The following KIF13B variants were observed in gnomAD, a reference collection of about 807,000 sequenced individuals.
KIF13B encodes the protein kinesin-like protein KIF13B.
A neutral mutation model predicts 222.0 loss-of-function variants in KIF13B; 127 were observed. The observed-to-expected ratio is 0.57, with a 90% CI of 0.50 to 0.66. The LOEUF is 0.66. Among genes scored for constraint, KIF13B ranks in the 30% least tolerant of loss-of-function variants. The pLI, the probability that KIF13B is intolerant of heterozygous loss-of-function variation, is 0.00. For synonymous variants in KIF13B, 976 were observed against 919.0 expected (o/e 1.06, Z -1.12); for missense variants, 2,173 against 2,379.0 (o/e 0.91, Z 1.80).
chr8:29,176,851 C>T (rs1002780880), intron 9 of KIF13B, among the ~76,000 whole-genome samples: 1 of 151,866 alleles, frequency 6.6e-6, no homozygotes, highest in African/African-American at 2.4e-5. Flanking sequence ...CTAAAATGAG[C>T]CCACATGAAG....
chr8:29,105,632 C>A (rs1487027353), intron 35 of KIF13B, among the ~76,000 whole-genome samples: 1 of 141,760 alleles, frequency 7.1e-6, no homozygotes, highest in Non-Finnish European at 1.5e-5. Context: ...AATAAGGAAA[C>A]TGGGCAGAGT....
At chr8:29,148,495 G>T in intron 16 of KIF13B, 82 bp downstream of exon 16, 1 of 1,017,794 alleles carries the variant, frequency 9.8e-7, no homozygotes, top group Non-Finnish European at 1.4e-6. Flanking sequence ...CTGCAGCCTG[G>T]AACTCCTGGG....
intron 35 of KIF13B, among the ~76,000 whole-genome samples, chr8:29,099,620 C>T (rs981175701): frequency 6.6e-6 from 1 of 152,150 alleles, no homozygotes; most frequent in Non-Finnish European, 1.5e-5. Flanking sequence ...AATCCTCCTT[C>T]CTTGGTCTCC....
At chr8:29,184,536 T>C (rs7011205) in intron 6 of KIF13B, among the ~76,000 whole-genome samples, 9,198 of 152,126 alleles carry the variant, frequency 0.06, 579 homozygotes, top group African/African-American at 0.15. Context: ...AAGAAACTTG[T>C]TCAATAGGTA....
intron 23 of KIF13B, 54 bp downstream of exon 23, chr8:29,132,254 C>CAA: frequency 5.9e-6 from 7 of 1,186,122 alleles, no homozygotes; most frequent in South Asian, 5.0e-5. Context: ...TCTCAAAAAA[C>CAA]AAAAAAAAAA....
At chr8:29,096,105 C>T (rs1178089800) in intron 36 of KIF13B, among the ~76,000 whole-genome samples, 5 of 151,378 alleles carry the variant, frequency 3.3e-5, no homozygotes, top group African/African-American at 9.7e-5. Flanking sequence ...CCTCAGCCTC[C>T]GGAGGAGCTG....
At chr8:29,252,972 G>T (rs568031795) in intron 1 of KIF13B, among the ~76,000 whole-genome samples, 3 of 152,278 alleles carry the variant, frequency 2.0e-5, no homozygotes, top group Admixed American at 1.3e-4. Context: ...ACATGAAAAT[G>T]TATTAAATAA....
Position 29,081,488 on chromosome 8 carries a change from C to A in KIF13B, c.4459-6145G>T, listed in dbSNP as rs150127873. On this transcript the variant is annotated intron_variant, in intron 37 of 39. Transcript: ENST00000524189. Reference sequence around the variant, plus strand: ...TTTTCAACCATAAATTTTATGAATTCTAAATGCAGATCAAGTATTTCCGAC... The same window carrying A: ...TTTTCAACCATAAATTTTATGAATTATAAATGCAGATCAAGTATTTCCGAC... Among the ~76,000 whole-genome samples the A allele has an allele frequency of 2.8e-3, 422 of 152,306 alleles. 2 individuals are homozygous for A. Among genetic ancestry groups the A allele is most frequent in the African/African-American group, 9.8e-3 (407 of 41,568 alleles).
intron 35 of KIF13B, among the ~76,000 whole-genome samples, chr8:29,102,921 T>C (rs1384723912): frequency 1.3e-5 from 2 of 152,182 alleles, no homozygotes; most frequent in African/African-American, 2.4e-5. Context: ...AAAAATAAAA[T>C]TTCTCCTAAA....
intron 13 of KIF13B, among the ~76,000 whole-genome samples, chr8:29,160,506 G>A (rs1030933514): frequency 6.6e-6 from 1 of 151,914 alleles, no homozygotes; most frequent in African/African-American, 2.4e-5. Context: ...AATAATGGTA[G>A]GTAAGGTATT....
At position 29,071,917 on chromosome 8, in the gene KIF13B, CCGGGGCCTCGAGGT is replaced by C; in HGVS notation, c.4907_4920del (p.Asp1636GlyfsTer50). 1 of 1,442,148 alleles carries C rather than the reference CCGGGGCCTCGAGGT, an allele frequency of 6.9e-7. No homozygotes were observed. The highest frequency in any genetic ancestry group is 9.0e-7 in the Non-Finnish European group (1 of 1,109,996). 89.3% of individuals were successfully genotyped at this position (1,442,148 alleles called of 1,614,324 possible). A position where few individuals can be genotyped will look rare whatever the true frequency, so the allele number is the denominator to read the frequency against. ...CGGACGCGGAACGGGGAGCCGGGCG[CCGGGGCCTCGAGGT>C]CGGGGCGCTCCCGACCGGGGCTCAC... On this transcript the variant is annotated frameshift_variant, in exon 39 of 40. Transcript: ENST00000524189. LOFTEE classifies it high-confidence loss of function. This position sits in a 1 kb window ranked among gnomAD's most constrained non-coding sequence, Gnocchi z 4.9.
At position 29,177,517 on chromosome 8, in the gene KIF13B, G is replaced by A. The variant is rs760274305; in HGVS notation, c.782C>T (p.Thr261Met). Residue 261 changes from threonine to methionine, a missense_variant, in exon 9 of 40, where the codon ACG becomes ATG. Physicochemically the swap from Thr to Met is moderately conservative, Grantham distance 81. Around this residue, in one of 2 missense-constraint regions of KIF13B, gnomAD observed 1,480 missense variants for 1,722.8 expected, o/e 0.86. Coordinates refer to ENST00000524189, the MANE Select transcript of KIF13B (RefSeq NM_015254.4). ...CCTGTCCCCTGCAGCGCCTGTCTTC[G>A]TTGCTCGTTCACTGCCAGCTAAATC... ...LVDLAGSERA[T>M]KTGAAGDRLK... 34 of 1,613,686 alleles carry A rather than the reference G, an allele frequency of 2.1e-5. No homozygotes were observed. Among genetic ancestry groups the A allele is most frequent in the South Asian group, 7.7e-5 (7 of 91,078 alleles).
intron 1 of KIF13B, among the ~76,000 whole-genome samples, chr8:29,247,486 T>C (rs1447918863): frequency 2.6e-5 from 4 of 152,168 alleles, no homozygotes; most frequent in Non-Finnish European, 4.4e-5. Context: ...ATGTATCTAA[T>C]AAGGAACTTG....
intron 37 of KIF13B, among the ~76,000 whole-genome samples, chr8:29,090,387 C>T (rs560469371): frequency 1.3e-5 from 2 of 152,284 alleles, no homozygotes; most frequent in East Asian, 1.9e-4. Flanking sequence ...AGAACACCCC[C>T]GTTGGAGCTC....
At chr8:29,140,872 G>A (rs1810788818) in intron 19 of KIF13B, 1 of 362,116 alleles carries the variant, frequency 2.8e-6, no homozygotes, top group East Asian at 4.4e-5. Context: ...CCAGTAACAG[G>A]TCATTACTTT....
chr8:29,209,186 G>A (rs981604551), intron 2 of KIF13B, among the ~76,000 whole-genome samples: 20 of 152,208 alleles, frequency 1.3e-4, no homozygotes, highest in Non-Finnish European at 2.4e-4. Context: ...AACTGCCAGA[G>A]AAGGAGGAAA....
chr8:29,154,449 T>G (rs1811429026), intron 14 of KIF13B, among the ~76,000 whole-genome samples: 2 of 151,842 alleles, frequency 1.3e-5, no homozygotes. Context: ...TGTTGTAAGA[T>G]TTTGGCTCTG....
intron 1 of KIF13B, among the ~76,000 whole-genome samples, chr8:29,254,432 T>C (rs748309026): frequency 6.6e-6 from 1 of 152,258 alleles, no homozygotes; most frequent in Non-Finnish European, 1.5e-5. Flanking sequence ...CAGAATGGTA[T>C]ACAGAATGTA....
chr8:29,235,286 G>T (rs1203071886), intron 2 of KIF13B, among the ~76,000 whole-genome samples: 1 of 152,184 alleles, frequency 6.6e-6, no homozygotes, highest in Admixed American at 6.5e-5. Context: ...TTACAGTAAT[G>T]CAAATGTCGT....
Sources: gnomAD v4.1 joint callset for allele counts (sites outside exome capture counted in the v4.1 genomes callset) on GRCh38, gnomAD v4.1.1 for gene constraint, gnomAD v4.1.1 regional missense constraint, Gnocchi (gnomAD v3.1) non-coding constraint, MANE v1.5 for transcripts, NCBI Gene and HGNC (gene_info 2026-07-23, HGNC 2026-07-21) for gene names.